Variants in TTC28 observed in about 807,000 individuals in gnomAD.
TTC28 encodes the protein tetratricopeptide repeat domain 28.
In TTC28, 61 loss-of-function variants were observed where a neutral mutation model predicts 198.0. The observed-to-expected ratio is 0.31, with a 90% CI of 0.25 to 0.38. The LOEUF is 0.38. TTC28 is among the 10% of genes least tolerant of loss of function. The pLI is 1.00. For missense variants in TTC28, 2,678 were observed against 3,164.0 expected, an observed-to-expected ratio of 0.85 and a Z score of 3.69; for synonymous variants, 1,171 against 1,297.8, an observed-to-expected ratio of 0.90 and a Z score of 2.10.
At chr22:28,435,059 A>T (rs746947727) in intron 2 of TTC28, among the ~76,000 whole-genome samples, 1 of 151,900 alleles carries the variant, frequency 6.6e-6, no homozygotes, top group African/African-American at 2.4e-5. Context: ...AAATTGAGAG[A>T]TATCTACCAG....
At chr22:28,592,930 A>G (rs1370071977) in intron 2 of TTC28, among the ~76,000 whole-genome samples, 1 of 152,154 alleles carries the variant, frequency 6.6e-6, no homozygotes, top group Non-Finnish European at 1.5e-5. Context: ...CCACTCTTCT[A>G]AGGTCTCCTC....
At chr22:28,434,421 T>C (rs2047486097) in intron 2 of TTC28, among the ~76,000 whole-genome samples, 1 of 152,174 alleles carries the variant, frequency 6.6e-6, no homozygotes, top group Non-Finnish European at 1.5e-5. Flanking sequence ...TGGTAGCTCA[T>C]GCCTGTAATC....
chr22:28,175,023 T>TA lies in TTC28; in HGVS notation c.934-11425dup, dbSNP rs760749501. On this transcript the variant is annotated intron_variant, in intron 5 of 22. Transcript: ENST00000397906. ...TGCATTGGAAAATAAGGTAGTCTCT[T>TA]AAAAAAAAAAAAAAAGGACTGGGAA... Among the ~76,000 whole-genome samples the TA allele has an allele frequency of 5.0e-3, 690 of 138,108 alleles. 2 individuals are homozygous for TA. Among genetic ancestry groups the TA allele is most frequent in the African/African-American group, 8.0e-3 (307 of 38,298 alleles). The allele number at this position is 138,108 out of a possible 152,430, so 90.6% of individuals were successfully genotyped here.
chr22:28,395,634 AC>A (rs66900694), intron 2 of TTC28, among the ~76,000 whole-genome samples: 61,470 of 103,810 alleles, frequency 0.59, 14,785 homozygotes, highest in African/African-American at 0.69. Flanking sequence ...AACCAAACAA[AC>A]AAAAAAAAAA....
At chr22:28,227,624 A>G (rs1928444802) in intron 5 of TTC28, among the ~76,000 whole-genome samples, 2 of 152,156 alleles carry the variant, frequency 1.3e-5, no homozygotes, top group Non-Finnish European at 2.9e-5. Flanking sequence ...TCTATTTAAT[A>G]TCACTAGTCA....
intron 5 of TTC28, among the ~76,000 whole-genome samples, chr22:28,285,699 G>A (rs1039195434): frequency 9.2e-5 from 14 of 152,040 alleles, no homozygotes; most frequent in Non-Finnish European, 8.8e-5. Flanking sequence ...TTTGTATTCA[G>A]CAATTATACT....
rs1040400142 is a variant in TTC28 at position 28,005,235 on chromosome 22, A to G, written c.4219-3682T>C. ...TTGAGAACTTACGGTGTTCCAGGCC[A>G]GGTGAGGGAAAAGGGGAAAGACACA... On this transcript the variant is annotated intron_variant, in intron 14 of 22. Coordinates refer to ENST00000397906, the MANE Select transcript of TTC28 (RefSeq NM_001145418.2). The surrounding 1 kb of genome is among the most constrained non-coding windows in gnomAD (Gnocchi z 4.9). 6.6e-6 allele frequency among the ~76,000 whole-genome samples: 1 copy of G among 152,184 alleles called. No homozygotes were observed. Among genetic ancestry groups the G allele is most frequent in the African/African-American group, 2.4e-5 (1 of 41,444 alleles).
intron 2 of TTC28, among the ~76,000 whole-genome samples, chr22:28,493,745 T>C (rs1329300247): frequency 1.3e-5 from 2 of 152,172 alleles, no homozygotes; most frequent in Non-Finnish European, 2.9e-5. Context: ...ATTGCAATTA[T>C]GCTTCTGACA....
intron 6 of TTC28, among the ~76,000 whole-genome samples, chr22:28,122,314 G>T (rs892407548): frequency 6.6e-6 from 1 of 152,142 alleles, no homozygotes; most frequent in Non-Finnish European, 1.5e-5. Flanking sequence ...AGAGAAATTG[G>T]TTTTATTATC....
chr22:28,084,203 A>C (rs1185537348), intron 12 of TTC28, among the ~76,000 whole-genome samples: 1 of 152,240 alleles, frequency 6.6e-6, no homozygotes, highest in Non-Finnish European at 1.5e-5. Context: ...GAGAAAGGGC[A>C]GACTGCCTCC....
intron 2 of TTC28, among the ~76,000 whole-genome samples, chr22:28,560,473 T>C (rs1160589715): frequency 6.6e-6 from 1 of 152,200 alleles, no homozygotes; most frequent in Non-Finnish European, 1.5e-5. Flanking sequence ...CTGTAACTTA[T>C]GACTTGGGCC....
At chr22:28,570,526 A>G (rs1245497080) in intron 2 of TTC28, among the ~76,000 whole-genome samples, 3 of 152,192 alleles carry the variant, frequency 2.0e-5, no homozygotes, top group Admixed American at 2.0e-4. Flanking sequence ...AGAAGGGAAC[A>G]ACAGACACTG....
At chr22:28,253,735 G>C (rs1190200275) in intron 5 of TTC28, among the ~76,000 whole-genome samples, 2 of 152,186 alleles carry the variant, frequency 1.3e-5, no homozygotes, top group African/African-American at 4.8e-5. Flanking sequence ...AGGGACTGCA[G>C]AAGAGGAGTC....
chr22:28,414,370 G>C (rs2047135768), intron 2 of TTC28, among the ~76,000 whole-genome samples: 2 of 152,182 alleles, frequency 1.3e-5, no homozygotes, highest in Non-Finnish European at 2.9e-5. Flanking sequence ...ATAATGTAAA[G>C]TGATGGACAG....
intron 3 of TTC28, among the ~76,000 whole-genome samples, chr22:28,302,638 G>A (rs960373785): frequency 6.6e-6 from 1 of 152,128 alleles, no homozygotes; most frequent in African/African-American, 2.4e-5. Flanking sequence ...CCAATCTTTT[G>A]GGGGAAGAAG....
chr22:28,104,352 G>A (rs187140386), intron 8 of TTC28, among the ~76,000 whole-genome samples: 1 of 152,248 alleles, frequency 6.6e-6, no homozygotes, highest in Non-Finnish European at 1.5e-5. Context: ...GCAAAAATGG[G>A]AATAAAAAGA....
intron 13 of TTC28, among the ~76,000 whole-genome samples, chr22:28,027,144 A>G (rs1377898895): frequency 6.6e-6 from 1 of 152,148 alleles, no homozygotes; most frequent in African/African-American, 2.4e-5. Context: ...ATACAAATAC[A>G]TACATACATT....
intron 2 of TTC28, among the ~76,000 whole-genome samples, chr22:28,381,291 A>G (rs1449060450): frequency 2.0e-5 from 3 of 152,168 alleles, no homozygotes; most frequent in South Asian, 2.1e-4. Flanking sequence ...AACCAGTCCA[A>G]TAGAAATTAT....
chr22:28,602,935 A>G (rs2050664904), intron 2 of TTC28, among the ~76,000 whole-genome samples: 1 of 152,158 alleles, frequency 6.6e-6, no homozygotes. Flanking sequence ...GCTGGAGTGC[A>G]GTGGTACGAT....
Sources: gnomAD v4.1 joint callset for allele counts (sites outside exome capture counted in the v4.1 genomes callset) on GRCh38, gnomAD v4.1.1 for gene constraint, Gnocchi (gnomAD v3.1) non-coding constraint, MANE v1.5 for transcripts, NCBI Gene and HGNC (gene_info 2026-07-23, HGNC 2026-07-21) for gene names.